Variants in PROSER2 observed in about 807,000 individuals in gnomAD.
The protein encoded by PROSER2 is proline and serine rich 2.
A neutral mutation model predicts 14.6 loss-of-function variants in PROSER2; 18 were observed. That is an observed-to-expected ratio of 1.23 (90% CI 0.85 to 1.83). The LOEUF (loss-of-function observed/expected upper bound fraction) is 1.83, where lower values mean the gene tolerates loss of function less well. PROSER2 is among the 40% of genes most tolerant of loss of function. PROSER2 has a pLI of 0.00. For synonymous variants in PROSER2, 367 were observed against 286.4 expected (o/e 1.28, Z -2.84); for missense variants, 823 against 629.8 (o/e 1.31, Z -3.28).
intron 1 of PROSER2, among the ~76,000 whole-genome samples, chr10:11,842,575 G>A (rs1166605516): frequency 2.0e-5 from 3 of 151,930 alleles, no homozygotes; most frequent in Non-Finnish European, 2.9e-5. Flanking sequence ...TTTCAGCTCT[G>A]CCTTGTAGTA....
chr10:11,844,104 A>G (rs1056248730), intron 1 of PROSER2, among the ~76,000 whole-genome samples: 1 of 151,922 alleles, frequency 6.6e-6, no homozygotes, highest in African/African-American at 2.4e-5. Context: ...TGATCCTCCC[A>G]CTGCAGCCTC....
intron 1 of PROSER2, among the ~76,000 whole-genome samples, chr10:11,845,899 C>T (rs1322668763): frequency 1.3e-5 from 2 of 152,210 alleles, no homozygotes; most frequent in African/African-American, 4.8e-5. Flanking sequence ...CAGACTGAAG[C>T]TATACCACCT....
At chr10:11,844,219 C>T (rs1008717061) in intron 1 of PROSER2, among the ~76,000 whole-genome samples, 1 of 151,972 alleles carries the variant, frequency 6.6e-6, no homozygotes, top group African/African-American at 2.4e-5. Context: ...CTTGAACTCC[C>T]AACCTCAAGA....
At position 11,870,333 on chromosome 10, in the gene PROSER2, C is replaced by T. The variant is rs12253554; in HGVS notation, c.1235C>T (p.Ala412Val). The T allele has an allele frequency of 0.078, 117,900 of 1,503,648 alleles. 5,046 individuals are homozygous for T. The highest frequency in any genetic ancestry group is 0.12 in the South Asian group (9,563 of 79,726). 93.1% of individuals were successfully genotyped at this position (1,503,648 alleles called of 1,614,324 possible). A position where few individuals can be genotyped will look rare whatever the true frequency, so the allele number is the denominator to read the frequency against. The change falls in exon 4 of 4, where the codon GCG becomes GTG. Residue 412 changes from alanine (A) to valine (V), a missense_variant. Coordinates refer to ENST00000277570, the MANE Select transcript of PROSER2 (RefSeq NM_153256.4). ...PRPQGITVQF[A>V]GRGSSEEARR... ...CCCCAGGGCATCACCGTGCAGTTCG[C>T]GGGCCGCGGCTCCTCGGAGGAGGCG...
chr10:11,869,605 TC>T lies in PROSER2; in HGVS notation c.513del (p.Arg172GlyfsTer181), dbSNP rs1438977104. 2 of 1,590,576 alleles carry T rather than the reference TC, an allele frequency of 1.3e-6. No homozygotes were observed. Among genetic ancestry groups the T allele is most frequent in the Admixed American group, 1.7e-5 (1 of 58,196 alleles). ...APPPLPSTPD[P>X]PRRELRAPSP... Reference sequence around the variant, plus strand: ...CACCACCCCTGCCTAGCACCCCCGATCCCCCCAGGAGGGAGCTGCGCGCCCC... The same window carrying T: ...CACCACCCCTGCCTAGCACCCCCGATCCCCCAGGAGGGAGCTGCGCGCCCC... On this transcript the variant is annotated frameshift_variant, in exon 4 of 4. Coordinates refer to ENST00000277570, the MANE Select transcript of PROSER2 (RefSeq NM_153256.4). LOFTEE classifies it low-confidence loss of function (END_TRUNC). The surrounding 1 kb of genome is among the most constrained non-coding windows in gnomAD (Gnocchi z 4.4).
rs372655908 is a variant in PROSER2, at chr10:11,842,627, C to T, written c.-81-9370C>T. Among the ~76,000 whole-genome samples the T allele has an allele frequency of 1.2e-4, 19 of 152,036 alleles. No individual in the cohort carries two copies. In the South Asian group the frequency reaches 1.4e-3, roughly 12 times the overall value. ...GATATACTGTTTGTTTACATTTACTCGCATTTTTAGTCCAAATCTTTCCTC... is the reference window on the plus strand; with the variant it reads ...GATATACTGTTTGTTTACATTTACTTGCATTTTTAGTCCAAATCTTTCCTC... On this transcript the variant is annotated intron_variant, in intron 1 of 3. Transcript: ENST00000277570.
intron 2 of PROSER2, among the ~76,000 whole-genome samples, chr10:11,864,986 G>A (rs1447476922): frequency 1.3e-5 from 2 of 152,128 alleles, no homozygotes; most frequent in Admixed American, 6.5e-5. Context: ...TCACAATGAT[G>A]CATACCTTGG....
At chr10:11,835,928 G>A (rs763721841) in intron 1 of PROSER2, among the ~76,000 whole-genome samples, 1 of 152,128 alleles carries the variant, frequency 6.6e-6, no homozygotes, top group African/African-American at 2.4e-5. Context: ...AGTTCCCACC[G>A]TGAAACGCTC....
At chr10:11,831,932 A>G (rs907168301) in intron 1 of PROSER2, 1 of 152,196 alleles carries the variant, frequency 6.6e-6, no homozygotes, top group East Asian at 1.9e-4. Context: ...AGCTGAAACT[A>G]TTCACAACAG....
In PROSER2 at chr10:11,866,059, C is replaced by CT. The variant is rs1160350344; in HGVS notation, c.139-471dup. On this transcript the variant is annotated intron_variant, in intron 2 of 3. Coordinates refer to ENST00000277570, the MANE Select transcript of PROSER2 (RefSeq NM_153256.4). This position sits in a 1 kb window ranked among gnomAD's most constrained non-coding sequence, Gnocchi z 6.0. ...CCAAAGATGATGCGTGCTCCACCAT[C>CT]TCTCTTCCTGTTATTTTGTCATTGT... is the stretch of plus-strand genomic sequence containing the variant. Among the ~76,000 whole-genome samples the CT allele has an allele frequency of 6.6e-6, 1 of 152,102 alleles. No homozygotes were observed. Among genetic ancestry groups the CT allele is most frequent in the Non-Finnish European group, 1.5e-5 (1 of 68,020 alleles).
In PROSER2 at chr10:11,862,497, G is replaced by C. The variant is rs6602544; in HGVS notation, c.139-4034G>C. On this transcript the variant is annotated intron_variant, in intron 2 of 3. Coordinates refer to ENST00000277570, the MANE Select transcript of PROSER2 (RefSeq NM_153256.4). The surrounding 1 kb of genome is among the most constrained non-coding windows in gnomAD (Gnocchi z 4.2). ...GCCTGAGCCCAGGAGTTCAAGATCA[G>C]CCTGGGCCATGTAGCAAGACTTTGT... Among the ~76,000 whole-genome samples the C allele has an allele frequency of 6.6e-5, 10 of 151,868 alleles. No homozygotes were observed.
chr10:11,852,298 T>C (rs1168119399), intron 2 of PROSER2, 83 bp downstream of exon 2: 7 of 1,428,818 alleles, frequency 4.9e-6, no homozygotes, highest in Non-Finnish European at 6.6e-6. Flanking sequence ...AAGGAATATT[T>C]TACCAGATCT....
intron 1 of PROSER2, chr10:11,849,832 A>C (rs1386108498): frequency 6.6e-6 from 1 of 152,344 alleles, no homozygotes; most frequent in Admixed American, 6.5e-5. Context: ...CAGCATGGCC[A>C]TGTTGAGGGG....
In PROSER2 at chr10:11,870,097, TC is replaced by T; in HGVS notation, c.1000del (p.Gln334ArgfsTer19). ...CCGCTGAGAGTCTCCGGGCAGGGGG[TC>T]AGGCTCCGCGGGGCCCGGCGCTGGC... Reference protein sequence around the residue: ...GPAESLRAGGQAPRGPALANG... With the variant: ...GPAESLRAGGXAPRGPALANG... On this transcript the variant is annotated frameshift_variant, in exon 4 of 4. Coordinates refer to ENST00000277570, the MANE Select transcript of PROSER2 (RefSeq NM_153256.4). LOFTEE classifies it low-confidence loss of function (END_TRUNC). 1 of 1,301,394 alleles carries T rather than the reference TC, an allele frequency of 7.7e-7. No individual in the cohort carries two copies. The highest frequency in any genetic ancestry group is 9.7e-7 in the Non-Finnish European group (1 of 1,026,292). The allele number at this position is 1,301,394 out of a possible 1,614,324, so 80.6% of individuals were successfully genotyped here.
intron 1 of PROSER2, among the ~76,000 whole-genome samples, chr10:11,842,672 A>T (rs1456718493): frequency 1.3e-5 from 2 of 152,072 alleles, no homozygotes; most frequent in African/African-American, 4.8e-5. Flanking sequence ...GAGCCTTTTT[A>T]AAACTGTGCT....
chr10:11,826,239 T>C (rs1181642829), intron 1 of PROSER2, among the ~76,000 whole-genome samples: 1 of 152,206 alleles, frequency 6.6e-6, no homozygotes, highest in East Asian at 1.9e-4. Context: ...TAATGTTCCA[T>C]TGTGTGGACA....
intron 1 of PROSER2, among the ~76,000 whole-genome samples, chr10:11,832,329 G>A (rs149998510): frequency 6.6e-6 from 1 of 152,260 alleles, no homozygotes; most frequent in East Asian, 1.9e-4. Flanking sequence ...TTCTTTCCAA[G>A]GTTTTTTTCT....
rs765789525 is a variant in PROSER2, at chr10:11,869,890, C to G, written c.792C>G (p.Ala264=). The change falls in exon 4 of 4, where the codon GCC becomes GCG. Residue 264 remains alanine, a synonymous_variant. Transcript: ENST00000277570. This position sits in a 1 kb window ranked among gnomAD's most constrained non-coding sequence, Gnocchi z 4.4. ...PSNIIVTNGA[A]REPRRTLSRA... is the part of the protein sequence containing the mutation. ...ACATCATCGTCACCAACGGCGCGGCCCGGGAGCCCCGCAGGACCCTGTCCA... is the reference window on the plus strand; with the variant it reads ...ACATCATCGTCACCAACGGCGCGGCGCGGGAGCCCCGCAGGACCCTGTCCA... 18 of 1,589,668 alleles carry G rather than the reference C, an allele frequency of 1.1e-5. No homozygotes were observed. Among genetic ancestry groups the G allele is most frequent in the Non-Finnish European group, 1.4e-5 (16 of 1,170,666 alleles).
At chr10:11,835,502 A>G (rs1270033743) in intron 1 of PROSER2, among the ~76,000 whole-genome samples, 10 of 152,206 alleles carry the variant, frequency 6.6e-5, no homozygotes, top group African/African-American at 2.4e-4. Context: ...TTAAAGCCCT[A>G]CTTAAGTCGA....
Sources: gnomAD v4.1 joint callset for allele counts (sites outside exome capture counted in the v4.1 genomes callset) on GRCh38, gnomAD v4.1.1 for gene constraint, Gnocchi (gnomAD v3.1) non-coding constraint, MANE v1.5 for transcripts, NCBI Gene and HGNC (gene_info 2026-07-23, HGNC 2026-07-21) for gene names.